SRBD1: variants seen among roughly 807,000 people sequenced by gnomAD.
SRBD1 encodes S1 RNA binding domain 1.
A neutral mutation model predicts 115.3 loss-of-function variants in SRBD1; 88 were observed. That is an observed-to-expected ratio of 0.76 (90% CI 0.64 to 0.91). SRBD1 has a LOEUF of 0.91. Among genes scored for constraint, SRBD1 ranks in the 40% least tolerant of loss-of-function variants. The pLI, the probability that SRBD1 is intolerant of heterozygous loss-of-function variation, is 0.00. For synonymous variants in SRBD1, 509 were observed against 407.7 expected, an observed-to-expected ratio of 1.25 and a Z score of -2.99; for missense variants, 1,385 against 1,177.4, an observed-to-expected ratio of 1.18 and a Z score of -2.58.
At chr2:45,498,934 G>A (rs1276580532) in intron 14 of SRBD1, among the ~76,000 whole-genome samples, 1 of 152,166 alleles carries the variant, frequency 6.6e-6, no homozygotes, top group African/African-American at 2.4e-5. Context: ...CTTGGCTAAT[G>A]TGAATAGTGT....
At chr2:45,538,264 C>A (rs1361936252) in intron 14 of SRBD1, among the ~76,000 whole-genome samples, 1 of 152,212 alleles carries the variant, frequency 6.6e-6, no homozygotes, top group African/African-American at 2.4e-5. Context: ...TTGGGCCACC[C>A]AGAGGGCCTT....
At position 45,517,699 on chromosome 2, in the gene SRBD1, T is replaced by C. The variant is rs796609795; in HGVS notation, c.1874+29033A>G. Among the ~76,000 whole-genome samples the C allele has an allele frequency of 3.9e-5, 6 of 152,166 alleles. No homozygotes were observed. In the South Asian group the frequency reaches 1.0e-3, roughly 26 times the overall value. On this transcript the variant is annotated intron_variant, in intron 14 of 20. Transcript: ENST00000263736. Reference sequence around the variant, plus strand: ...GAGTAACTTATGATAACAATTTATGTCTAGATAATTCAAGGCTGGGCGTGG... The same window carrying C: ...GAGTAACTTATGATAACAATTTATGCCTAGATAATTCAAGGCTGGGCGTGG...
chr2:45,516,947 C>A (rs1009678990), intron 14 of SRBD1, among the ~76,000 whole-genome samples: 1 of 152,148 alleles, frequency 6.6e-6, no homozygotes, highest in East Asian at 1.9e-4. Context: ...TAAATAAATA[C>A]CCAAACATGT....
At position 45,573,189 on chromosome 2, in the gene SRBD1, T is replaced by C. The variant is rs777148694; in HGVS notation, c.1305+18A>G. The C allele has an allele frequency of 6.9e-6, 11 of 1,585,608 alleles. No homozygotes were observed. The African/African-American group carries it at 1.4e-4, about 20-fold the overall frequency. On this transcript the variant is annotated intron_variant, in intron 9 of 20. Coordinates refer to ENST00000263736, the MANE Select transcript of SRBD1 (RefSeq NM_018079.5). ...CATTATTACGAAATCAGCATGCACA[T>C]GCAGTTTCTTTATTTACCTGATGAT... is the stretch of plus-strand genomic sequence containing the variant.
intron 5 of SRBD1, among the ~76,000 whole-genome samples, chr2:45,583,311 T>G (rs1673423261): frequency 6.6e-6 from 1 of 152,142 alleles, no homozygotes; most frequent in Non-Finnish European, 1.5e-5. Context: ...CTGTATGTCT[T>G]CTATAGTCAT....
chr2:45,574,926 C>T (rs1047068908), intron 7 of SRBD1, among the ~76,000 whole-genome samples: 3 of 152,110 alleles, frequency 2.0e-5, no homozygotes, highest in African/African-American at 7.2e-5. Flanking sequence ...AGACATAATA[C>T]ATAATATACT....
intron 14 of SRBD1, among the ~76,000 whole-genome samples, chr2:45,502,267 G>C (rs1670657899): frequency 6.6e-6 from 1 of 152,204 alleles, no homozygotes; most frequent in Non-Finnish European, 1.5e-5. Context: ...AGACAGTGTG[G>C]TGATTCCTCA....
At chr2:45,533,872 TAACAAA>T (rs1176012657) in intron 14 of SRBD1, among the ~76,000 whole-genome samples, 1 of 151,870 alleles carries the variant, frequency 6.6e-6, no homozygotes, top group Non-Finnish European at 1.5e-5. Context: ...AACTTAAAAC[TAACAAA>T]AACAATCAAG....
chr2:45,410,265 G>A (rs1667560092), intron 19 of SRBD1, among the ~76,000 whole-genome samples: 1 of 152,146 alleles, frequency 6.6e-6, no homozygotes, highest in Admixed American at 6.5e-5. Flanking sequence ...AAAATGCAAG[G>A]TAACCAGAAT....
chr2:45,451,114 T>C (rs1360355990), intron 16 of SRBD1, among the ~76,000 whole-genome samples: 1 of 152,084 alleles, frequency 6.6e-6, no homozygotes, highest in Non-Finnish European at 1.5e-5. Context: ...TGATGACTGA[T>C]TCAAGCTACA....
At chr2:45,428,461 G>A (rs921104531) in intron 16 of SRBD1, among the ~76,000 whole-genome samples, 1 of 152,138 alleles carries the variant, frequency 6.6e-6, no homozygotes, top group Admixed American at 6.5e-5. Context: ...TGAGGTAGGA[G>A]AATGGCGTGA....
At chr2:45,559,182 CT>C (rs1275866262) in intron 10 of SRBD1, among the ~76,000 whole-genome samples, 1 of 152,020 alleles carries the variant, frequency 6.6e-6, no homozygotes, top group Non-Finnish European at 1.5e-5. Flanking sequence ...CTCTTGATTC[CT>C]TCCAAATAAT....
intron 14 of SRBD1, among the ~76,000 whole-genome samples, chr2:45,500,054 G>A (rs1036655585): frequency 6.6e-6 from 1 of 152,032 alleles, no homozygotes; most frequent in African/African-American, 2.4e-5. Flanking sequence ...ATTTTGATAG[G>A]TATTGCACTG....
chr2:45,515,596 C>T (rs574549110), intron 14 of SRBD1, among the ~76,000 whole-genome samples: 119 of 152,236 alleles, frequency 7.8e-4, no homozygotes, highest in Middle Eastern at 3.4e-3. Flanking sequence ...CTGGAGTCTA[C>T]GCTCCTTGAC....
chr2:45,536,052 A>G lies in SRBD1; in HGVS notation c.1874+10680T>C, dbSNP rs1007317249. ...CTGGCAGGGAGTATGCAGTCAATAC[A>G]TACAAATTAATTTACTTTTAGTTCC... On this transcript the variant is annotated intron_variant, in intron 14 of 20. Coordinates refer to ENST00000263736, the MANE Select transcript of SRBD1 (RefSeq NM_018079.5). Among the ~76,000 whole-genome samples, 3 of 152,170 alleles carry G rather than the reference A, an allele frequency of 2.0e-5. No homozygotes were observed. In the East Asian group the frequency reaches 5.8e-4, roughly 29 times the overall value.
At chr2:45,601,153 T>C (rs1674079544) in intron 3 of SRBD1, among the ~76,000 whole-genome samples, 1 of 152,218 alleles carries the variant, frequency 6.6e-6, no homozygotes, top group Non-Finnish European at 1.5e-5. Context: ...TATTAAAACA[T>C]TCAATTGTGA....
intron 10 of SRBD1, among the ~76,000 whole-genome samples, chr2:45,561,103 T>A (rs1672651845): frequency 6.6e-6 from 1 of 151,984 alleles, no homozygotes. Context: ...TGAGACCCTG[T>A]CTCTCAAAAA....
At chr2:45,445,559 A>G (rs1474715790) in intron 16 of SRBD1, among the ~76,000 whole-genome samples, 1 of 136,116 alleles carries the variant, frequency 7.3e-6, no homozygotes, top group South Asian at 2.1e-4. Context: ...GTAAAAAAAA[A>G]AAAAAAAAAA....
chr2:45,561,583 C>A (rs1025122944), intron 10 of SRBD1, among the ~76,000 whole-genome samples: 3 of 152,186 alleles, frequency 2.0e-5, no homozygotes, highest in African/African-American at 7.2e-5. Flanking sequence ...TGAACTTTAT[C>A]AAAATTTACA....
Sources: gnomAD v4.1 joint callset for allele counts (sites outside exome capture counted in the v4.1 genomes callset) on GRCh38, gnomAD v4.1.1 for gene constraint, MANE v1.5 for transcripts, NCBI Gene and HGNC (gene_info 2026-07-23, HGNC 2026-07-21) for gene names.